INPP5F: variants seen among roughly 807,000 people sequenced by gnomAD.
INPP5F encodes the protein inositol polyphosphate-5-phosphatase F, also known as phosphatidylinositide 4-phosphatase SAC2.
In INPP5F, 97 loss-of-function variants were observed where a neutral mutation model predicts 137.2. The observed-to-expected ratio is 0.71, with a 90% CI of 0.60 to 0.84. INPP5F has a LOEUF of 0.84. INPP5F is among the 40% of genes least tolerant of loss of function. The pLI is 0.00. For missense variants in INPP5F, 1,271 were observed against 1,371.9 expected (o/e 0.93, Z 1.16); for synonymous variants, 504 against 476.9 (o/e 1.06, Z -0.74).
intron 1 of INPP5F, among the ~76,000 whole-genome samples, chr10:119,749,166 C>T (rs779304534): frequency 9.2e-5 from 14 of 152,306 alleles, no homozygotes; most frequent in East Asian, 7.7e-4. Context: ...CAGGCACTTC[C>T]GAGCCTGTGG....
At chr10:119,779,973 A>G (rs1055217210) in intron 2 of INPP5F, among the ~76,000 whole-genome samples, 1 of 152,090 alleles carries the variant, frequency 6.6e-6, no homozygotes, top group Admixed American at 6.5e-5. Context: ...ACAGTCATTT[A>G]TTATTATCAA....
intron 2 of INPP5F, among the ~76,000 whole-genome samples, chr10:119,779,417 T>G (rs983118577): frequency 3.3e-5 from 5 of 151,778 alleles, no homozygotes; most frequent in Non-Finnish European, 7.4e-5. Flanking sequence ...TTTTTTTGGG[T>G]TTTTATTTTT....
At chr10:119,777,512 G>A (rs1360456315) in intron 2 of INPP5F, among the ~76,000 whole-genome samples, 2 of 152,152 alleles carry the variant, frequency 1.3e-5, no homozygotes, top group Admixed American at 6.5e-5. Context: ...GCAACAGCAC[G>A]AGACTCTGTC....
chr10:119,760,180 A>G (rs1477334818), intron 2 of INPP5F, among the ~76,000 whole-genome samples: 1 of 152,180 alleles, frequency 6.6e-6, no homozygotes, highest in East Asian at 1.9e-4. Flanking sequence ...TTCCACTCTC[A>G]TTCCTTTTTC....
At chr10:119,803,689 A>T (rs1850670644) in intron 9 of INPP5F, among the ~76,000 whole-genome samples, 1 of 152,220 alleles carries the variant, frequency 6.6e-6, no homozygotes, top group African/African-American at 2.4e-5. Context: ...TTGAGTGTAT[A>T]GATTAATTGG....
intron 9 of INPP5F, among the ~76,000 whole-genome samples, chr10:119,802,543 G>A (rs2134236237): frequency 6.6e-6 from 1 of 152,094 alleles, no homozygotes; most frequent in East Asian, 1.9e-4. Flanking sequence ...TTCATTTAAG[G>A]TCTCATGGCT....
intron 1 of INPP5F, among the ~76,000 whole-genome samples, chr10:119,737,274 A>G (rs761936223): frequency 6.6e-6 from 1 of 152,146 alleles, no homozygotes; most frequent in South Asian, 2.1e-4. Flanking sequence ...AGTTTGTATT[A>G]CTTTATTATG....
intron 2 of INPP5F, among the ~76,000 whole-genome samples, chr10:119,758,852 T>A (rs1848923975): frequency 6.6e-6 from 1 of 152,250 alleles, no homozygotes; most frequent in South Asian, 2.1e-4. Flanking sequence ...TCTCAGTCAT[T>A]AAGATGGTAA....
At chr10:119,814,774 G>C (rs777204299) in intron 15 of INPP5F, among the ~76,000 whole-genome samples, 1 of 152,190 alleles carries the variant, frequency 6.6e-6, no homozygotes, top group Non-Finnish European at 1.5e-5. Flanking sequence ...TGCTAACCTG[G>C]TCCAGGGCTT....
intron 3 of INPP5F, among the ~76,000 whole-genome samples, chr10:119,782,494 T>C (rs1476145361): frequency 6.6e-6 from 1 of 152,174 alleles, no homozygotes; most frequent in Non-Finnish European, 1.5e-5. Context: ...ACATAGATGA[T>C]AATATTTAGT....
intron 3 of INPP5F, among the ~76,000 whole-genome samples, chr10:119,788,235 T>C (rs1012190248): frequency 9.9e-5 from 15 of 152,022 alleles, no homozygotes; most frequent in Non-Finnish European, 7.4e-5. Context: ...TGTGTCTCAG[T>C]GTGGGGGAGA....
At chr10:119,742,119 C>G (rs149127732) in intron 1 of INPP5F, among the ~76,000 whole-genome samples, 14 of 151,476 alleles carry the variant, frequency 9.2e-5, no homozygotes, top group African/African-American at 3.2e-4. Flanking sequence ...CCACTGCGCC[C>G]GGCCCGACGA....
chr10:119,827,275 A>C lies in INPP5F; in HGVS notation c.2894A>C (p.Gln965Pro). 6.2e-7 allele frequency: 1 copy of C among 1,614,174 alleles called. No individual in the cohort carries two copies. The highest frequency in any genetic ancestry group is 8.5e-7 in the Non-Finnish European group (1 of 1,180,024). Residue 965 changes from glutamine to proline, a missense_variant, in exon 20 of 20, where the codon CAA (glutamine) becomes CCA (proline). Gln to Pro is a moderately conservative substitution (Grantham distance 76). Transcript: ENST00000650623. ...GATATTTACTGCCACAGATTTGTGC[A>C]AGATGCACAGAACAAAGTGACCCAC... ...PMDIYCHRFV[Q>P]DAQNKVTHLS...
At position 119,726,243 on chromosome 10, in the gene INPP5F, C is replaced by T. The variant is rs1589651974; in HGVS notation, c.-20C>T. 3 of 1,436,676 alleles carry T rather than the reference C, an allele frequency of 2.1e-6. No individual in the cohort carries two copies. The highest frequency in any genetic ancestry group is 2.7e-5 in the South Asian group (2 of 72,988). 89.0% of individuals were successfully genotyped at this position (1,436,676 alleles called of 1,614,324 possible). A position where few individuals can be genotyped will look rare whatever the true frequency, so the allele number is the denominator to read the frequency against. On this transcript the variant is annotated 5_prime_UTR_variant, in exon 1 of 20. Transcript: ENST00000650623. ...TGCGCCGCCCGCGGGCCGCCGCCTCCCTGGGCGCGCGGGGCCAGCATGGAG... is the reference window on the plus strand; with the variant it reads ...TGCGCCGCCCGCGGGCCGCCGCCTCTCTGGGCGCGCGGGGCCAGCATGGAG...
In INPP5F at chr10:119,808,015, T is replaced by C. The variant is rs1189109128; in HGVS notation, c.1524T>C (p.Asn508=). ...NRIYQIMWAN[N]GDSISRQYAG... ...TCTACCAGATAATGTGGGCCAATAATGGTGACTCCATTAGCAGACAGTATG... is the reference window on the plus strand; with the variant it reads ...TCTACCAGATAATGTGGGCCAATAACGGTGACTCCATTAGCAGACAGTATG... The change falls in exon 13 of 20, where the codon AAT becomes AAC. Residue 508 remains asparagine (N), a synonymous_variant. Transcript: ENST00000650623. 6.2e-7 allele frequency: 1 copy of C among 1,613,922 alleles called. No individual in the cohort carries two copies. Among genetic ancestry groups the C allele is most frequent in the Non-Finnish European group, 8.5e-7 (1 of 1,180,016 alleles).
At position 119,819,312 on chromosome 10, in the gene INPP5F, TG is replaced by T. The variant is rs1408509082; in HGVS notation, c.1887-1528del. On this transcript the variant is annotated intron_variant, in intron 15 of 19. Coordinates refer to ENST00000650623, the MANE Select transcript of INPP5F (RefSeq NM_014937.4). ...GCTAAGACTTCAGTAAAATTGGGGG[TG>T]GGGGGAGGGTTGACATTTTCCGACT... 43 of 228,526 alleles carry T rather than the reference TG, an allele frequency of 1.9e-4. No homozygotes were observed. The Admixed American group carries it at 2.2e-3, about 12-fold the overall frequency. 14.2% of individuals were successfully genotyped at this position (228,526 alleles called of 1,614,324 possible).
chr10:119,816,716 G>C (rs1851293645), intron 15 of INPP5F: 1 of 152,356 alleles, frequency 6.6e-6, no homozygotes, highest in South Asian at 2.1e-4. Flanking sequence ...AAGTGGAAGT[G>C]GGGTTGCGGG....
Position 119,785,575 on chromosome 10 carries a change from A to AGAGAGAGAGACT in INPP5F, c.315+3808_315+3809insGAGAGACTGAGA, listed in dbSNP as rs1435677238. Among the ~76,000 whole-genome samples the AGAGAGAGAGACT allele has an allele frequency of 2.6e-3, 396 of 150,410 alleles. 2 individuals are homozygous for AGAGAGAGAGACT. Among genetic ancestry groups the AGAGAGAGAGACT allele is most frequent in the Admixed American group, 0.017 (254 of 14,864 alleles). On this transcript the variant is annotated intron_variant, in intron 3 of 19. Transcript: ENST00000650623. ...GAGAGAGAGAGAGAGAGAGAGAGAGAGAGACTGAGACTGACTTTGCCTGTA... is the reference window on the plus strand; with the variant it reads ...GAGAGAGAGAGAGAGAGAGAGAGAGAGAGAGAGAGACTGAGACTGAGACTGACTTTGCCTGTA...
chr10:119,824,754 T>C lies in INPP5F; in HGVS notation c.2249+852T>C, dbSNP rs994931602. On this transcript the variant is annotated intron_variant, in intron 19 of 19. Transcript: ENST00000650623. ...TCTATAATAATTATTCCTGTCATGA[T>C]CTATGGTCATTTTTCTAATTTTCAT... Among the ~76,000 whole-genome samples, 3 of 152,336 alleles carry C rather than the reference T, an allele frequency of 2.0e-5. No homozygotes were observed. The South Asian group carries it at 6.2e-4, about 32-fold the overall frequency.
Sources: allele counts gnomAD v4.1 joint callset (sites outside exome capture counted in the v4.1 genomes callset), GRCh38; gene constraint gnomAD v4.1.1; transcripts MANE v1.5; gene names NCBI Gene and HGNC (gene_info 2026-07-23, HGNC 2026-07-21).